Variants in ICE2 observed in about 807,000 individuals in gnomAD.
The protein encoded by ICE2 is little elongation complex subunit 2.
In ICE2, 87 loss-of-function variants were observed where a neutral mutation model predicts 105.4. That is an observed-to-expected ratio of 0.83 (90% CI 0.69 to 0.99). ICE2 has a LOEUF of 0.99. Among genes scored for constraint, ICE2 ranks in the 50% least tolerant of loss-of-function variants. The probability of loss-of-function intolerance (pLI) is 0.00; values close to 1 mark genes in which losing one functional copy is unlikely to be tolerated. For missense variants in ICE2, 1,323 were observed against 1,146.7 expected (o/e 1.15, Z -2.22); for synonymous variants, 399 against 392.0 (o/e 1.02, Z -0.21).
In ICE2 at chr15:60,449,138, G is replaced by A. The variant is rs1377098440; in HGVS notation, c.1829C>T (p.Ser610Leu). The part of the protein sequence containing the change: ...SSRPASPNSS[S>L]GQASVGNQTN... ...CTGGTTTCCTACAGAAGCCTGTCCT[G>A]AGGAAGAATTTGGACTAGCTGGTCT... The change falls in exon 10 of 16, where the codon TCA (serine) becomes TTA (leucine). Residue 610 changes from serine to leucine, a missense_variant. Physicochemically the swap from Ser to Leu is moderately radical, Grantham distance 145. Coordinates refer to ENST00000261520, the MANE Select transcript of ICE2 (RefSeq NM_024611.6). The A allele has an allele frequency of 4.3e-6, 7 of 1,614,018 alleles. No individual in the cohort carries two copies. Among genetic ancestry groups the A allele is most frequent in the Non-Finnish European group, 5.9e-6 (7 of 1,179,918 alleles).
intron 13 of ICE2, among the ~76,000 whole-genome samples, chr15:60,433,796 CTTT>C (rs68180863): frequency 1.5e-4 from 22 of 149,192 alleles, no homozygotes; most frequent in Admixed American, 1.4e-3. Flanking sequence ...TGACCTCCTC[CTTT>C]TTTTTAAAAA....
At position 60,442,360 on chromosome 15, in the gene ICE2, A is replaced by C. The variant is rs190620875; in HGVS notation, c.2425+56T>G. 9.4e-5 allele frequency: 136 copies of C among 1,452,628 alleles called. 1 individual carries two copies. In the African/African-American group the frequency reaches 1.7e-3, roughly 18 times the overall value. 90.0% of individuals were successfully genotyped at this position (1,452,628 alleles called of 1,614,324 possible). On this transcript the variant is annotated intron_variant, in intron 12 of 15. Transcript: ENST00000261520. ...TAGAAGTATTCACAATTGAATTTAC[A>C]AGTATGTAATTACAAGAAAATTAAA... is the stretch of plus-strand genomic sequence containing the variant.
In ICE2 at chr15:60,455,397, TTA is replaced by T. The variant is rs1566993495; in HGVS notation, c.710_711del (p.Ile237LysfsTer13). 2 of 1,613,866 alleles carry T rather than the reference TTA, an allele frequency of 1.2e-6. No individual in the cohort carries two copies. Among genetic ancestry groups the T allele is most frequent in the African/African-American group, 2.7e-5 (2 of 74,914 alleles). ...ATATCGTCCTTTGACAGCTGCAACTTTATAGGCATTGAGGGAAATACTGTTTT... is the reference window on the plus strand; with the variant it reads ...ATATCGTCCTTTGACAGCTGCAACTTTAGGCATTGAGGGAAATACTGTTTT... ...YVKTVFPSMP[I>X]KLQLSKDDIA... On this transcript the variant is annotated frameshift_variant, in exon 7 of 16. Coordinates refer to ENST00000261520, the MANE Select transcript of ICE2 (RefSeq NM_024611.6). LOFTEE classifies it high-confidence loss of function.
intron 13 of ICE2, among the ~76,000 whole-genome samples, chr15:60,434,578 T>C (rs553050486): frequency 6.7e-6 from 1 of 150,252 alleles, no homozygotes; most frequent in East Asian, 1.9e-4. Flanking sequence ...ATGGAATATA[T>C]TCAGCCATAA....
chr15:60,475,487 C>T (rs2123829), intron 3 of ICE2, among the ~76,000 whole-genome samples: 107,031 of 151,984 alleles, frequency 0.7, 38,241 homozygotes, highest in East Asian at 0.93. Context: ...GGGAACACAA[C>T]GTTTTGCAAC....
intron 8 of ICE2, among the ~76,000 whole-genome samples, chr15:60,454,295 A>C (rs774051118): frequency 6.6e-6 from 1 of 152,252 alleles, no homozygotes; most frequent in Non-Finnish European, 1.5e-5. Flanking sequence ...CAAAAGAAAG[A>C]CTACCCTATT....
intron 9 of ICE2, 61 bp downstream of exon 9, chr15:60,453,542 T>G: frequency 1.3e-6 from 2 of 1,577,220 alleles, no homozygotes; most frequent in African/African-American, 1.4e-5. Flanking sequence ...CAATAAAACT[T>G]TATGCTTCAA....
At chr15:60,469,731 C>A (rs1162881363) in intron 3 of ICE2, among the ~76,000 whole-genome samples, 1 of 152,180 alleles carries the variant, frequency 6.6e-6, no homozygotes, top group East Asian at 1.9e-4. Context: ...GGCATACATA[C>A]TCCCATTGCA....
chr15:60,476,227 C>T, intron 2 of ICE2, 60 bp from the exon 3 acceptor site: 2 of 977,134 alleles, frequency 2.0e-6, no homozygotes, highest in Non-Finnish European at 3.2e-6. Context: ...TAGACTATGA[C>T]ACATAATGGC....
At chr15:60,478,234 T>C (rs1322168907) in intron 1 of ICE2, among the ~76,000 whole-genome samples, 165 bp from the exon 2 acceptor site, 1 of 152,196 alleles carries the variant, frequency 6.6e-6, no homozygotes, top group Admixed American at 6.5e-5. Context: ...GCAATGACGA[T>C]ACAGGACGAG....
rs568832420 is a variant in ICE2 at position 60,474,859 on chromosome 15, T to C, written c.146+1204A>G. On this transcript the variant is annotated intron_variant, in intron 3 of 15. Transcript: ENST00000261520. ...TAAGTTGGCCAGGCAGAGTGGCTCCTGGCTGTAACCCCAGCACTTTGGGAG... is the reference window on the plus strand; with the variant it reads ...TAAGTTGGCCAGGCAGAGTGGCTCCCGGCTGTAACCCCAGCACTTTGGGAG... 1.7e-3 allele frequency among the ~76,000 whole-genome samples: 264 copies of C among 152,306 alleles called. 1 individual carries two copies. The highest frequency in any genetic ancestry group is 6.1e-3 in the African/African-American group (254 of 41,570).
chr15:60,423,866 A>G (rs2063280888), intron 15 of ICE2, 104 bp from the exon 16 acceptor site: 1 of 1,046,262 alleles, frequency 9.6e-7, no homozygotes, highest in Non-Finnish European at 1.3e-6. Context: ...CTTGCAAATA[A>G]GCTCTTATAT....
At chr15:60,431,115 G>A (rs1202967717) in intron 14 of ICE2, among the ~76,000 whole-genome samples, 3 of 151,728 alleles carry the variant, frequency 2.0e-5, no homozygotes, top group African/African-American at 4.8e-5. Context: ...CTCATGATCC[G>A]CCTACCTCGG....
At chr15:60,440,652 G>C (rs1236903615) in intron 12 of ICE2, 1 of 152,014 alleles carries the variant, frequency 6.6e-6, no homozygotes, top group Non-Finnish European at 1.5e-5. Flanking sequence ...GACACTCCAG[G>C]GTGGGGCCAG....
intron 5 of ICE2, among the ~76,000 whole-genome samples, chr15:60,464,526 T>G (rs1226858935): frequency 1.3e-5 from 2 of 152,140 alleles, no homozygotes; most frequent in African/African-American, 4.8e-5. Context: ...AAGACACTAC[T>G]ACACGCAGAA....
intron 15 of ICE2, 100 bp from the exon 16 acceptor site, chr15:60,423,862 A>G (rs2063280833): frequency 1.9e-6 from 2 of 1,074,544 alleles, no homozygotes; most frequent in East Asian, 3.0e-5. Flanking sequence ...CCACCTTGCA[A>G]ATAAGCTCTT....
At chr15:60,455,594 T>C in intron 6 of ICE2, 152 bp from the exon 7 acceptor site, 3 of 612,112 alleles carry the variant, frequency 4.9e-6, no homozygotes, top group East Asian at 2.8e-5. Context: ...AAGATATTCA[T>C]GTTTTTGCTT....
chr15:60,460,283 G>A (rs770033323), intron 5 of ICE2, among the ~76,000 whole-genome samples: 7 of 152,216 alleles, frequency 4.6e-5, no homozygotes, highest in Non-Finnish European at 8.8e-5. Context: ...GATCACCTGA[G>A]GTCAGGAGTT....
intron 8 of ICE2, 115 bp downstream of exon 8, chr15:60,454,885 GTGT>G: frequency 1.1e-6 from 1 of 881,588 alleles, no homozygotes; most frequent in African/African-American, 1.8e-5. Flanking sequence ...GCCCCGGTGT[GTGT>G]TGTTTCACTC....
Sources: gnomAD v4.1 joint callset for allele counts (sites outside exome capture counted in the v4.1 genomes callset) on GRCh38, gnomAD v4.1.1 for gene constraint, MANE v1.5 for transcripts, NCBI Gene and HGNC (gene_info 2026-07-23, HGNC 2026-07-21) for gene names.